Variants in FGFR1 observed in about 807,000 individuals in gnomAD.
FGFR1 encodes the protein fibroblast growth factor receptor 1, also known as FGFR1/PLAG1 fusion.
In FGFR1, 18 loss-of-function variants were observed where a neutral mutation model predicts 93.7. The ratio of observed to expected loss-of-function variants is 0.19; its 90% confidence interval spans 0.13 to 0.28. FGFR1 has a LOEUF of 0.28. Ranked by LOEUF, FGFR1 falls within the 10% of genes least tolerant of loss-of-function variation. The pLI is 1.00. For synonymous variants in FGFR1, 448 were observed against 429.3 expected, an observed-to-expected ratio of 1.04 and a Z score of -0.54; for missense variants, 731 against 1,080.4, an observed-to-expected ratio of 0.68 and a Z score of 4.53.
rs771078736 is a variant in FGFR1 at position 38,414,583 on chromosome 8, C to G, written c.2024G>C (p.Arg675Pro). Residue 675 changes from arginine to proline, a missense_variant, in exon 15 of 18, where the codon CGG (arginine) becomes CCG (proline). Transcript: ENST00000447712. ...CACATCACTCTGGTGGGTGTAGATCCGGTCAAATAATGCCTCGGGTGCCAT... is the reference window on the plus strand; with the variant it reads ...CACATCACTCTGGTGGGTGTAGATCGGGTCAAATAATGCCTCGGGTGCCAT... ...KWMAPEALFD[R>P]IYTHQSDVWS... The G allele has an allele frequency of 4.9e-6, 7 of 1,419,112 alleles. No homozygotes were observed. The highest frequency in any genetic ancestry group is 9.2e-7 in the Non-Finnish European group (1 of 1,084,432). The allele number at this position is 1,419,112 out of a possible 1,614,324, so 87.9% of individuals were successfully genotyped here. A position where few individuals can be genotyped will look rare whatever the true frequency, so the allele number is the denominator to read the frequency against.
chr8:38,428,351 C>T lies in FGFR1; in HGVS notation c.443G>A (p.Arg148His), dbSNP rs515726222. The change falls in exon 4 of 18, where the codon CGT becomes CAT. Residue 148 changes from arginine (R) to histidine (H), a missense_variant. Arg to His is a conservative substitution (Grantham distance 29, BLOSUM62 0). Coordinates refer to ENST00000447712, the MANE Select transcript of FGFR1 (RefSeq NM_023110.3). ...EKETDNTKPN[R>H]MPVAPYWTSP... ...GATAGGAAACAGTGTCTCACGCATA[C>T]GGTTTGGTTTGGTGTTATCTGTTTC... 12 of 1,613,672 alleles carry T rather than the reference C, an allele frequency of 7.4e-6. No homozygotes were observed. The highest frequency in any genetic ancestry group is 5.0e-5 in the Admixed American group (3 of 60,008).
In FGFR1 at chr8:38,421,931, A is replaced by G. The variant is rs1434741581; in HGVS notation, c.947T>C (p.Val316Ala). ...CTCCATCTCTTTGTCGGTGGTATTA[A>G]CTCCAGCAGTCTAGAAGAGACAACG... ...PYVQILKTAGVNTTDKEMEVL... is the reference protein window; with the variant it reads ...PYVQILKTAGANTTDKEMEVL... The change falls in exon 8 of 18, where the codon GTT (valine) becomes GCT (alanine). Residue 316 changes from valine (V) to alanine (A), a missense_variant. Val to Ala is a moderately conservative substitution (Grantham distance 64). Coordinates refer to ENST00000447712, the MANE Select transcript of FGFR1 (RefSeq NM_023110.3). 1.2e-6 allele frequency: 2 copies of G among 1,614,038 alleles called. No homozygotes were observed. The highest frequency in any genetic ancestry group is 4.5e-5 in the East Asian group (2 of 44,870).
chr8:38,458,311 T>G (rs1174276244), intron 1 of FGFR1, among the ~76,000 whole-genome samples: 1 of 151,938 alleles, frequency 6.6e-6, no homozygotes, highest in Non-Finnish European at 1.5e-5. Flanking sequence ...GAGGCTAAGG[T>G]GGGCAGATCA....
At chr8:38,461,336 ATCTT>A (rs1834355232) in intron 1 of FGFR1, 1 of 572,586 alleles carries the variant, frequency 1.7e-6, no homozygotes, top group Non-Finnish European at 3.1e-6. Flanking sequence ...TCATGGCCAA[ATCTT>A]TTTATTCTTT....
Position 38,419,815 on chromosome 8 carries a change from C to A in FGFR1, c.1082-80G>T, listed in dbSNP as rs895646550. 9.6e-5 allele frequency: 116 copies of A among 1,211,400 alleles called. 1 individual carries two copies. The East Asian group carries it at 2.9e-3, about 30-fold the overall frequency. The allele number at this position is 1,211,400 out of a possible 1,614,324, so 75.0% of individuals were successfully genotyped here. On this transcript the variant is annotated intron_variant, in intron 8 of 17. Transcript: ENST00000447712. Reference sequence around the variant, plus strand: ...GTCCCGCTCCATTAGAAAAGCAACACCTGTCTCCTGTCCCCTGGGAACTTT... The same window carrying A: ...GTCCCGCTCCATTAGAAAAGCAACAACTGTCTCCTGTCCCCTGGGAACTTT...
chr8:38,418,389 G>C lies in FGFR1; in HGVS notation c.1285-16C>G. ...CAGCAGACACCTGCAAGGAAGAGTG[G>C]GGTCACCCTAGAGCAAGGAGGGGGG... is the stretch of plus-strand genomic sequence containing the variant. On this transcript the variant is annotated splice_polypyrimidine_tract_variant and intron_variant, in intron 9 of 17. Coordinates refer to ENST00000447712, the MANE Select transcript of FGFR1 (RefSeq NM_023110.3). 6.2e-7 allele frequency: 1 copy of C among 1,612,192 alleles called. No individual in the cohort carries two copies. The highest frequency in any genetic ancestry group is 1.7e-5 in the Admixed American group (1 of 59,634).
rs948434877 is a variant in FGFR1 at position 38,413,273 on chromosome 8, G to C, written c.*355C>G. 1.6e-5 allele frequency: 6 copies of C among 376,598 alleles called. No individual in the cohort carries two copies. In the South Asian group the frequency reaches 2.4e-4, roughly 15 times the overall value. The allele number at this position is 376,598 out of a possible 1,614,324, so 23.3% of individuals were successfully genotyped here. On this transcript the variant is annotated 3_prime_UTR_variant, in exon 18 of 18. Transcript: ENST00000447712. This position sits in a 1 kb window ranked among gnomAD's most constrained non-coding sequence, Gnocchi z 4.2. The stretch of plus-strand genomic sequence containing the variant: ...GGGTGAAGGCAAAACAGACCAAACC[G>C]ACAGGAGAAAGCTCAGGAAGCTCTC...
chr8:38,417,179 A>G, intron 12 of FGFR1, 127 bp downstream of exon 12: 1 of 775,408 alleles, frequency 1.3e-6, no homozygotes, highest in Non-Finnish European at 2.3e-6. Context: ...ACACATTTTA[A>G]ACCTCTGCCA....
chr8:38,427,892 C>A (rs981826414), intron 5 of FGFR1, 29 bp downstream of exon 5: 1 of 1,614,030 alleles, frequency 6.2e-7, no homozygotes, highest in Admixed American at 1.7e-5. Context: ...GTTCCCATTA[C>A]TCTAACTTTC....
intron 2 of FGFR1, among the ~76,000 whole-genome samples, chr8:38,450,403 C>A (rs376444458): frequency 6.6e-6 from 1 of 152,126 alleles, no homozygotes; most frequent in Non-Finnish European, 1.5e-5. Flanking sequence ...CCAGTGGCCC[C>A]GGAGGAACGA....
intron 1 of FGFR1, chr8:38,458,920 C>T (rs1037004787): frequency 5.5e-5 from 12 of 218,996 alleles, no homozygotes; most frequent in South Asian, 1.9e-4. Flanking sequence ...TGATGTCTGA[C>T]GGATATGAGT....
At chr8:38,415,440 C>T (rs1021155968) in intron 13 of FGFR1, among the ~76,000 whole-genome samples, 8 of 151,682 alleles carry the variant, frequency 5.3e-5, no homozygotes, top group South Asian at 2.1e-4. Context: ...ACTATCGGCA[C>T]GCACTACCAC....
At position 38,412,783 on chromosome 8, in the gene FGFR1, ATAAT is replaced by A. The variant is rs1814803232; in HGVS notation, c.*841_*844del. ...CCTAAACTGAAAATAGGTTTAGAAC[ATAAT>A]TTAAAAAAATAAAACAGCAAAAGTA... is the stretch of plus-strand genomic sequence containing the variant. On this transcript the variant is annotated 3_prime_UTR_variant, in exon 18 of 18. Transcript: ENST00000447712. The A allele has an allele frequency of 4.3e-6, 1 of 233,594 alleles. No individual in the cohort carries two copies. Among genetic ancestry groups the A allele is most frequent in the African/African-American group, 2.2e-5 (1 of 45,356 alleles). The allele number at this position is 233,594 out of a possible 1,614,324, so 14.5% of individuals were successfully genotyped here. A position where few individuals can be genotyped will look rare whatever the true frequency, so the allele number is the denominator to read the frequency against.
chr8:38,458,672 A>G (rs142092986), intron 1 of FGFR1, among the ~76,000 whole-genome samples: 1 of 152,228 alleles, frequency 6.6e-6, no homozygotes, highest in Admixed American at 6.5e-5. Context: ...AGGTACAGAG[A>G]TAACTAGTTA....
chr8:38,456,275 A>G (rs1832809110), intron 2 of FGFR1, among the ~76,000 whole-genome samples: 1 of 152,152 alleles, frequency 6.6e-6, no homozygotes, highest in African/African-American at 2.4e-5. Context: ...ATGCTCATAC[A>G]TTAGTTTTCA....
chr8:38,448,912 G>A (rs1346329512), intron 2 of FGFR1, among the ~76,000 whole-genome samples: 1 of 152,042 alleles, frequency 6.6e-6, no homozygotes, highest in African/African-American at 2.4e-5. Context: ...CCGAGATCGC[G>A]CCACTGCACT....
chr8:38,425,854 C>T (rs766207949), intron 6 of FGFR1: 19 of 508,918 alleles, frequency 3.7e-5, no homozygotes, highest in South Asian at 1.4e-4. Context: ...TCTCCAACAA[C>T]GCCTCCTTCA....
chr8:38,440,490 G>T, intron 2 of FGFR1: 1 of 749,824 alleles, frequency 1.3e-6, no homozygotes, highest in South Asian at 2.6e-5. Context: ...AAAGAGAGCC[G>T]GGAGCACCAA....
At chr8:38,440,939 A>AGTTTT in intron 2 of FGFR1, among the ~76,000 whole-genome samples, 1 of 152,068 alleles carries the variant, frequency 6.6e-6, no homozygotes, top group South Asian at 2.1e-4. Context: ...TGGGGCCCAG[A>AGTTTT]GTTTTGTTTT....
Sources: gnomAD v4.1 joint callset for allele counts (sites outside exome capture counted in the v4.1 genomes callset) on GRCh38, gnomAD v4.1.1 for gene constraint, Gnocchi (gnomAD v3.1) non-coding constraint, MANE v1.5 for transcripts, NCBI Gene and HGNC (gene_info 2026-07-23, HGNC 2026-07-21) for gene names.